Variants in FMNL2 observed in about 807,000 individuals in gnomAD.
FMNL2 encodes the protein formin-like protein 2.
In FMNL2, 51 loss-of-function variants were observed where a neutral mutation model predicts 130.2. That is an observed-to-expected ratio of 0.39 (90% CI 0.31 to 0.49). The LOEUF is 0.49. Among genes scored for constraint, FMNL2 ranks in the 20% least tolerant of loss-of-function variants. FMNL2 has a pLI of 0.85. For synonymous variants in FMNL2, 465 were observed against 467.1 expected, an observed-to-expected ratio of 1.00 and a Z score of 0.06; for missense variants, 977 against 1,316.2, an observed-to-expected ratio of 0.74 and a Z score of 3.99.
chr2:152,454,333 AGTG>A (rs1688831344), intron 1 of FMNL2, among the ~76,000 whole-genome samples: 2 of 152,212 alleles, frequency 1.3e-5, no homozygotes, highest in Non-Finnish European at 2.9e-5. Context: ...TATGAAATAA[AGTG>A]GCAAATATGG....
intron 1 of FMNL2, among the ~76,000 whole-genome samples, chr2:152,429,030 G>A (rs1243783739): frequency 2.6e-5 from 4 of 151,596 alleles, no homozygotes; most frequent in Non-Finnish European, 4.4e-5. Context: ...GAGGAGGGAG[G>A]AGGCAGGTGG....
At chr2:152,639,865 A>G in intron 23 of FMNL2, 93 bp from the exon 24 acceptor site, 1 of 1,066,886 alleles carries the variant, frequency 9.4e-7, no homozygotes, top group Non-Finnish European at 1.3e-6. Context: ...GTAATTCTCA[A>G]CTCACTAAGG....
intron 1 of FMNL2, among the ~76,000 whole-genome samples, chr2:152,485,113 A>T (rs1476566456): frequency 6.6e-6 from 1 of 152,176 alleles, no homozygotes; most frequent in Non-Finnish European, 1.5e-5. Flanking sequence ...TGGGAGTCCA[A>T]GGTGGGAGGA....
chr2:152,375,875 C>CTATATATA (rs71394478), intron 1 of FMNL2, among the ~76,000 whole-genome samples: 78 of 112,820 alleles, frequency 6.9e-4, no homozygotes, highest in African/African-American at 1.7e-3. Context: ...CTCTCTCTCT[C>CTATATATA]TCTATATATA....
chr2:152,362,500 T>C (rs10931069), intron 1 of FMNL2, among the ~76,000 whole-genome samples: 115,784 of 151,946 alleles, frequency 0.76, 45,333 homozygotes, highest in Admixed American at 0.86. Context: ...AGATATTTTA[T>C]GGATAAGGAA....
intron 1 of FMNL2, among the ~76,000 whole-genome samples, chr2:152,366,447 A>T (rs909193158): frequency 1.0e-3 from 130 of 124,954 alleles, no homozygotes; most frequent in African/African-American, 3.8e-3. Flanking sequence ...ATAATAATAA[A>T]AAAATAAATA....
chr2:152,555,016 C>T (rs1010239398), intron 4 of FMNL2, among the ~76,000 whole-genome samples: 5 of 152,162 alleles, frequency 3.3e-5, no homozygotes, highest in African/African-American at 1.2e-4. Context: ...TATTGCTTAT[C>T]TAAGGGCGTT....
intron 1 of FMNL2, among the ~76,000 whole-genome samples, chr2:152,473,936 G>A (rs968211431): frequency 2.6e-5 from 4 of 152,092 alleles, no homozygotes; most frequent in African/African-American, 7.2e-5. Context: ...GTGCAGTGAC[G>A]CAATCTTGGC....
chr2:152,490,174 C>T (rs1691065593), intron 1 of FMNL2, among the ~76,000 whole-genome samples: 2 of 150,868 alleles, frequency 1.3e-5, no homozygotes, highest in East Asian at 1.9e-4. Flanking sequence ...GACGGGGAAA[C>T]TTGCAAAAAA....
chr2:152,351,385 C>T (rs368318244), intron 1 of FMNL2, among the ~76,000 whole-genome samples: 1 of 152,060 alleles, frequency 6.6e-6, no homozygotes, highest in African/African-American at 2.4e-5. Context: ...CATTGTGTGA[C>T]GTTCCCCTCC....
At position 152,335,669 on chromosome 2, in the gene FMNL2, G is replaced by A; in HGVS notation, c.66G>A (p.Lys22=). 6.3e-7 allele frequency: 1 copy of A among 1,594,040 alleles called. No individual in the cohort carries two copies. The highest frequency in any genetic ancestry group is 8.5e-7 in the Non-Finnish European group (1 of 1,170,126). Residue 22 remains lysine, a synonymous_variant, in exon 1 of 26, where the codon AAG becomes AAA. Coordinates refer to ENST00000288670, the MANE Select transcript of FMNL2 (RefSeq NM_052905.4). ...TDFRAHNVPL[K]LPMPEPGELE... ...TCAGGGCGCACAACGTGCCTTTGAA[G>A]CTGCCGATGCCAGAGCCAGGTGAAC...
At chr2:152,443,859 A>G (rs1391409583) in intron 1 of FMNL2, among the ~76,000 whole-genome samples, 3 of 152,112 alleles carry the variant, frequency 2.0e-5, no homozygotes, top group Non-Finnish European at 2.9e-5. Flanking sequence ...GAAAAAAAGA[A>G]AAAAAAGGAG....
chr2:152,463,498 G>A (rs1019948437), intron 1 of FMNL2, among the ~76,000 whole-genome samples: 1 of 152,182 alleles, frequency 6.6e-6, no homozygotes, highest in Admixed American at 6.5e-5. Flanking sequence ...TGTGGCCTGA[G>A]TGCAATTTGC....
chr2:152,607,470 TACACAC>T (rs3080598), intron 10 of FMNL2, 57 bp downstream of exon 10: 29,464 of 607,772 alleles, frequency 0.048, 169 homozygotes, highest in East Asian at 0.15. Flanking sequence ...TTTTTCTAAA[TACACAC>T]ACACACACAC....
intron 1 of FMNL2, among the ~76,000 whole-genome samples, chr2:152,482,661 C>T (rs1217476195): frequency 6.6e-6 from 1 of 152,150 alleles, no homozygotes; most frequent in Non-Finnish European, 1.5e-5. Flanking sequence ...ATATTTTCTC[C>T]ATCTACAAAA....
At chr2:152,441,405 T>C (rs1004042775) in intron 1 of FMNL2, among the ~76,000 whole-genome samples, 5 of 152,160 alleles carry the variant, frequency 3.3e-5, no homozygotes, top group Admixed American at 2.6e-4. Flanking sequence ...AGAGTGGTAG[T>C]GCATGCATGT....
chr2:152,470,630 C>T (rs545778630), intron 1 of FMNL2, among the ~76,000 whole-genome samples: 1 of 152,258 alleles, frequency 6.6e-6, no homozygotes, highest in Non-Finnish European at 1.5e-5. Flanking sequence ...AGTACATAGT[C>T]GCATCAATAA....
At chr2:152,635,419 TAAG>T (rs1272094214) in intron 21 of FMNL2, among the ~76,000 whole-genome samples, 4 of 152,218 alleles carry the variant, frequency 2.6e-5, no homozygotes. Flanking sequence ...TGAACTCAAA[TAAG>T]AAAATTGCTT....
chr2:152,637,552 G>T (rs1682724972), intron 22 of FMNL2, 21 bp from the exon 23 acceptor site: 3 of 1,608,486 alleles, frequency 1.9e-6, no homozygotes, highest in South Asian at 2.2e-5. Flanking sequence ...TGAAACTCAA[G>T]AAAAATTTGC....
Sources: allele counts gnomAD v4.1 joint callset (sites outside exome capture counted in the v4.1 genomes callset), GRCh38; gene constraint gnomAD v4.1.1; transcripts MANE v1.5; gene names NCBI Gene and HGNC (gene_info 2026-07-23, HGNC 2026-07-21).